Variants in AHCTF1 observed in about 807,000 individuals in gnomAD.
The protein encoded by AHCTF1 is AT-hook containing transcription factor 1.
A neutral mutation model predicts 248.4 loss-of-function variants in AHCTF1; 24 were observed. That is an observed-to-expected ratio of 0.10 (90% CI 0.07 to 0.14). AHCTF1 has a LOEUF of 0.14. Ranked by LOEUF, AHCTF1 falls within the 10% of genes least tolerant of loss-of-function variation. The pLI is 1.00. For synonymous variants in AHCTF1, 786 were observed against 929.8 expected, an observed-to-expected ratio of 0.85 and a Z score of 2.81; for missense variants, 2,206 against 2,636.2, an observed-to-expected ratio of 0.84 and a Z score of 3.57.
intron 33 of AHCTF1, among the ~76,000 whole-genome samples, chr1:246,847,451 G>C (rs181717914): frequency 6.6e-6 from 1 of 152,070 alleles, no homozygotes; most frequent in African/African-American, 2.4e-5. Context: ...TGATTCTTTC[G>C]ATGGCTGGAT....
chr1:246,887,118 G>A, intron 20 of AHCTF1, 93 bp downstream of exon 20: 1 of 1,397,778 alleles, frequency 7.2e-7, no homozygotes. Context: ...TTAGTAGACT[G>A]TATCATATCT....
At chr1:246,873,465 G>C (rs1045115732) in intron 24 of AHCTF1, among the ~76,000 whole-genome samples, 1 of 151,828 alleles carries the variant, frequency 6.6e-6, no homozygotes, top group Non-Finnish European at 1.5e-5. Flanking sequence ...CGAAGGGAAA[G>C]AATCCGTCCC....
chr1:246,868,854 T>C (rs1260757382), intron 24 of AHCTF1, among the ~76,000 whole-genome samples: 1 of 149,830 alleles, frequency 6.7e-6, no homozygotes, highest in Non-Finnish European at 1.5e-5. Flanking sequence ...TTGTTTTTTT[T>C]TTTTTTTTGA....
chr1:246,868,412 C>G (rs1011565313), intron 24 of AHCTF1, among the ~76,000 whole-genome samples: 1 of 143,772 alleles, frequency 7.0e-6, no homozygotes, highest in Admixed American at 6.7e-5. Context: ...TGAGCCACTG[C>G]GCCTGGCAAT....
At chr1:246,876,909 T>C in intron 23 of AHCTF1, 41 bp downstream of exon 23, 1 of 1,599,806 alleles carries the variant, frequency 6.3e-7, no homozygotes, top group Non-Finnish European at 8.5e-7. Context: ...CCAGTTTTCC[T>C]TATTCTCTTA....
At chr1:246,914,154 T>C (rs1665991201) in intron 3 of AHCTF1, among the ~76,000 whole-genome samples, 1 of 152,228 alleles carries the variant, frequency 6.6e-6, no homozygotes, top group African/African-American at 2.4e-5. Context: ...TAGTCATCCA[T>C]ATTTTATACT....
In AHCTF1 at chr1:246,853,685, A is replaced by C. The variant is rs183189293; in HGVS notation, c.4355-386T>G. ...GAACATGCAATCTGGGCTTTGATAC[A>C]ACTAGGATAAAGAATGAATCTCTTT... On this transcript the variant is annotated intron_variant, in intron 31 of 35. Coordinates refer to ENST00000648844, the MANE Select transcript of AHCTF1 (RefSeq NM_001323342.2). Among the ~76,000 whole-genome samples, 270 of 149,620 alleles carry C rather than the reference A, an allele frequency of 1.8e-3. 1 individual carries two copies. The highest frequency in any genetic ancestry group is 5.5e-3 in the African/African-American group (216 of 39,078).
Position 246,902,583 on chromosome 1 carries a change from T to A in AHCTF1, c.1059A>T (p.Gly353=), listed in dbSNP as rs1197978084. The A allele has an allele frequency of 6.2e-7, 1 of 1,612,240 alleles. No homozygotes were observed. The highest frequency in any genetic ancestry group is 8.5e-7 in the Non-Finnish European group (1 of 1,179,844). ...RGQTSNTKLL[G]CQSIEKFRSH... Reference sequence around the variant, plus strand: ...ATCGAAATTTCTCTATACTCTGGCATCCCAACAATTTGGTATTACTCGTCT... The same window carrying A: ...ATCGAAATTTCTCTATACTCTGGCAACCCAACAATTTGGTATTACTCGTCT... Residue 353 remains glycine, a synonymous_variant, in exon 8 of 36, where the codon GGA becomes GGT. Transcript: ENST00000648844.
chr1:246,865,916 A>T (rs571498743), intron 26 of AHCTF1, among the ~76,000 whole-genome samples: 1 of 152,300 alleles, frequency 6.6e-6, no homozygotes, highest in Non-Finnish European at 1.5e-5. Flanking sequence ...AGTGGTATTT[A>T]AAAAATTGAT....
Position 246,870,408 on chromosome 1 carries a change from C to A in AHCTF1, c.3089-2597G>T, listed in dbSNP as rs555983296. On this transcript the variant is annotated intron_variant, in intron 24 of 35. Coordinates refer to ENST00000648844, the MANE Select transcript of AHCTF1 (RefSeq NM_001323342.2). ...ACTGTACTAGAGCATCTGTGACAGA[C>A]AAAGACCTTGTCTCTTAAAAAAACA... is the stretch of plus-strand genomic sequence containing the variant. Among the ~76,000 whole-genome samples the A allele has an allele frequency of 2.0e-5, 3 of 152,184 alleles. No individual in the cohort carries two copies. The South Asian group carries it at 6.2e-4, about 32-fold the overall frequency.
intron 6 of AHCTF1, among the ~76,000 whole-genome samples, chr1:246,904,608 A>AT (rs1558265406): frequency 6.6e-6 from 1 of 152,100 alleles, no homozygotes; most frequent in African/African-American, 2.4e-5. Context: ...TGGGGAAAAA[A>AT]TTTTTTTAAA....
intron 31 of AHCTF1, among the ~76,000 whole-genome samples, chr1:246,854,900 CAA>C (rs1432654224): frequency 6.6e-6 from 1 of 152,160 alleles, no homozygotes; most frequent in African/African-American, 2.4e-5. Context: ...GCACAGAAAA[CAA>C]AAATTCAGGA....
rs375933399 is a variant in AHCTF1, at chr1:246,922,852, A to G, written c.-7-4475T>C. Among the ~76,000 whole-genome samples the G allele has an allele frequency of 6.6e-3, 998 of 151,026 alleles. 5 individuals carry two copies. Among genetic ancestry groups the G allele is most frequent in the East Asian group, 0.011 (54 of 5,034 alleles). ...AAAAAAAATAGCCGGGCGTGGTGGC[A>G]GGCGCCTGTAGTCCCAGCTACTCGG... On this transcript the variant is annotated intron_variant, in intron 1 of 35. Transcript: ENST00000648844.
At position 246,878,472 on chromosome 1, in the gene AHCTF1, T is replaced by C. The variant is rs371454614; in HGVS notation, c.2661-1170A>G. 1.6e-3 allele frequency among the ~76,000 whole-genome samples: 231 copies of C among 147,008 alleles called. 7 individuals are homozygous for C. In the South Asian group the frequency reaches 0.046, roughly 29 times the overall value. On this transcript the variant is annotated intron_variant, in intron 21 of 35. Transcript: ENST00000648844. Reference sequence around the variant, plus strand: ...GATGTAGCCCTATATAAGGAAAATATGTATTAACTTGGAAAATCATTAGTT... The same window carrying C: ...GATGTAGCCCTATATAAGGAAAATACGTATTAACTTGGAAAATCATTAGTT...
At chr1:246,844,463 G>A (rs769620370) in intron 33 of AHCTF1, among the ~76,000 whole-genome samples, 1 of 152,206 alleles carries the variant, frequency 6.6e-6, no homozygotes, top group African/African-American at 2.4e-5. Context: ...GCTCACAATT[G>A]TAATTCCAGC....
At chr1:246,923,455 TATA>T (rs1166710290) in intron 1 of AHCTF1, among the ~76,000 whole-genome samples, 1 of 151,912 alleles carries the variant, frequency 6.6e-6, no homozygotes, top group African/African-American at 2.4e-5. Context: ...ATAAAATAAT[TATA>T]ATAACTGAAA....
intron 21 of AHCTF1, among the ~76,000 whole-genome samples, chr1:246,877,558 AAAG>A (rs1477984155): frequency 1.3e-5 from 2 of 152,106 alleles, no homozygotes; most frequent in African/African-American, 4.8e-5. Flanking sequence ...ACAAAAATTC[AAAG>A]AAGACAAAAA....
intron 21 of AHCTF1, among the ~76,000 whole-genome samples, chr1:246,881,342 G>A (rs188420758): frequency 1.1e-4 from 16 of 152,226 alleles, no homozygotes; most frequent in Non-Finnish European, 1.5e-4. Context: ...CACCATTAGC[G>A]TCAGCAACTC....
At chr1:246,898,576 C>A (rs919894613) in intron 11 of AHCTF1, among the ~76,000 whole-genome samples, 6 of 151,570 alleles carry the variant, frequency 4.0e-5, no homozygotes, top group African/African-American at 1.2e-4. Context: ...CTGTATAACC[C>A]TGCTGTCTTC....
Sources: gnomAD v4.1 joint callset for allele counts (sites outside exome capture counted in the v4.1 genomes callset) on GRCh38, gnomAD v4.1.1 for gene constraint, MANE v1.5 for transcripts, NCBI Gene and HGNC (gene_info 2026-07-23, HGNC 2026-07-21) for gene names.